Variants in RANBP2 observed in about 807,000 individuals in gnomAD.
RANBP2 encodes E3 SUMO-protein ligase RanBP2.
RANBP2 carries 57 observed loss-of-function variants against 303.6 expected under a neutral mutation model. The observed-to-expected ratio is 0.19, with a 90% confidence interval of 0.15 to 0.23. RANBP2 has a LOEUF of 0.23. RANBP2 is among the 10% of genes least tolerant of loss of function. The pLI is 1.00. For missense variants in RANBP2, 3,138 were observed against 3,780.8 expected (o/e 0.83, Z 4.46); for synonymous variants, 1,167 against 1,301.5 (o/e 0.90, Z 2.23).
the RANBP2 span, among the ~76,000 whole-genome samples, chr2:109,416,630 G>T: frequency 1.3e-5 from 2 of 151,532 alleles, no homozygotes; most frequent in African/African-American, 2.4e-5. Flanking sequence ...TGATCTGCCC[G>T]CCTCAGCCTC....
chr2:109,213,835 G>T, the RANBP2 span, among the ~76,000 whole-genome samples: 8 of 152,300 alleles, frequency 5.3e-5, no homozygotes, highest in African/African-American at 1.9e-4. Context: ...GAAGGGCAGG[G>T]TTACAGCCCG....
At chr2:109,624,932 T>C in the RANBP2 span, among the ~76,000 whole-genome samples, 1 of 150,654 alleles carries the variant, frequency 6.6e-6, no homozygotes, top group African/African-American at 2.4e-5. Context: ...AATACAAAAA[T>C]TAGCCTGGAG....
rs79379002 is a variant in RANBP2 at position 108,719,562 on chromosome 2, C to G, written c.-45C>G. 4 of 1,578,358 alleles carry G rather than the reference C, an allele frequency of 2.5e-6. No individual in the cohort carries two copies. The African/African-American group carries it at 5.4e-5, about 21-fold the overall frequency. ...CTTGGAAGTGGCGACTGCTGCGGGC[C>G]TGAGCGCTGGTCTCACGCGCCTCGG... On this transcript the variant is annotated 5_prime_UTR_variant, in exon 1 of 29. Coordinates refer to ENST00000283195, the MANE Select transcript of RANBP2 (RefSeq NM_006267.5).
chr2:108,817,631 C>T, the RANBP2 span, among the ~76,000 whole-genome samples: 1 of 152,180 alleles, frequency 6.6e-6, no homozygotes, highest in Admixed American at 6.5e-5. Flanking sequence ...CCTCAGCTGA[C>T]AGTCACAAAG....
At chr2:108,774,426 A>G (rs1442699850) in intron 23 of RANBP2, among the ~76,000 whole-genome samples, 1 of 152,110 alleles carries the variant, frequency 6.6e-6, no homozygotes, top group Non-Finnish European at 1.5e-5. Flanking sequence ...GTGCCTGTGT[A>G]TAGCCACTGC....
the RANBP2 span, among the ~76,000 whole-genome samples, chr2:108,897,889 G>C: frequency 6.6e-6 from 1 of 152,170 alleles, no homozygotes; most frequent in Non-Finnish European, 1.5e-5. Context: ...CTGAAAAGTG[G>C]AGAAAAGAAG....
chr2:109,340,985 C>T, the RANBP2 span, among the ~76,000 whole-genome samples: 1 of 152,350 alleles, frequency 6.6e-6, no homozygotes, highest in Non-Finnish European at 1.5e-5. Context: ...TAGCTGTAGA[C>T]AATTTATGTC....
chr2:109,546,367 A>C, the RANBP2 span: 2 of 506,630 alleles, frequency 3.9e-6, no homozygotes, highest in African/African-American at 2.0e-5. Context: ...ATCTTTCTGA[A>C]GTCTCAGAAG....
At chr2:109,706,716 G>A in the RANBP2 span, among the ~76,000 whole-genome samples, 1 of 152,210 alleles carries the variant, frequency 6.6e-6, no homozygotes, top group Non-Finnish European at 1.5e-5. Flanking sequence ...GTGCACAGTA[G>A]GCACTCAATA....
the RANBP2 span, among the ~76,000 whole-genome samples, chr2:109,046,875 AG>A: frequency 6.6e-6 from 1 of 151,836 alleles, no homozygotes; most frequent in South Asian, 2.1e-4. Context: ...AGAGGGGAGC[AG>A]GAAAAGTAAG....
chr2:109,508,859 C>T, the RANBP2 span, among the ~76,000 whole-genome samples: 1 of 152,312 alleles, frequency 6.6e-6, no homozygotes, highest in African/African-American at 2.4e-5. Flanking sequence ...GAAGGCAAGC[C>T]GTGTGGGTAG....
chr2:109,252,921 G>A, the RANBP2 span, among the ~76,000 whole-genome samples: 28 of 152,338 alleles, frequency 1.8e-4, no homozygotes, highest in African/African-American at 6.3e-4. Context: ...TCAGCCCATC[G>A]TAAGTAGGGG....
the RANBP2 span, among the ~76,000 whole-genome samples, chr2:109,339,442 G>A: frequency 6.6e-6 from 1 of 152,166 alleles, no homozygotes; most frequent in Non-Finnish European, 1.5e-5. Flanking sequence ...TGCGGTGGCT[G>A]GAGATCCAGG....
chr2:109,121,167 C>T, the RANBP2 span, among the ~76,000 whole-genome samples: 1 of 151,978 alleles, frequency 6.6e-6, no homozygotes, highest in African/African-American at 2.4e-5. Context: ...GAATGACATG[C>T]GCCCAGGAGG....
At chr2:108,843,886 C>CTTTTTTTTTTTTT in the RANBP2 span, among the ~76,000 whole-genome samples, 2 of 94,018 alleles carry the variant, frequency 2.1e-5, no homozygotes, top group Non-Finnish European at 1.9e-5. Context: ...GTGTTTCTTT[C>CTTTTTTTTTTTTT]TTTTTTTTTT....
chr2:108,897,147 A>G, the RANBP2 span: 1 of 1,613,928 alleles, frequency 6.2e-7, no homozygotes, highest in East Asian at 2.2e-5. Context: ...TTTTCACAAC[A>G]GCCTTCTCAG....
the RANBP2 span, among the ~76,000 whole-genome samples, chr2:109,350,914 A>T: frequency 6.6e-6 from 1 of 152,246 alleles, no homozygotes; most frequent in Non-Finnish European, 1.5e-5. Flanking sequence ...ACCTGCCTTT[A>T]TACAGCATCA....
chr2:109,323,574 C>T, the RANBP2 span, among the ~76,000 whole-genome samples: 5 of 152,204 alleles, frequency 3.3e-5, no homozygotes, highest in African/African-American at 9.7e-5. Context: ...CCCAGCGAAG[C>T]TTGAACTCAG....
the RANBP2 span, among the ~76,000 whole-genome samples, chr2:109,305,176 G>A: frequency 0.59 from 89,806 of 151,956 alleles, 27,912 homozygotes; most frequent in East Asian, 0.91. Context: ...GATCTTCTGG[G>A]TTAGTTGCCA....
Sources: gnomAD v4.1 joint callset for allele counts (sites outside exome capture counted in the v4.1 genomes callset) on GRCh38, gnomAD v4.1.1 for gene constraint, MANE v1.5 for transcripts, NCBI Gene and HGNC (gene_info 2026-07-23, HGNC 2026-07-21) for gene names.